PASK: variants seen among roughly 807,000 people sequenced by gnomAD.
The protein encoded by PASK is PAS domain containing serine/threonine kinase.
Under a neutral mutation model 121.0 loss-of-function variants are expected in PASK, and 110 were observed. That is an observed-to-expected ratio of 0.91 (90% CI 0.78 to 1.06). The LOEUF (loss-of-function observed/expected upper bound fraction) is 1.06. Ranked by LOEUF, PASK falls within the 50% of genes least tolerant of loss-of-function variation. The probability of loss-of-function intolerance (pLI) is 0.00; values close to 1 mark genes in which losing one functional copy is unlikely to be tolerated. For missense variants in PASK, 1,643 were observed against 1,702.3 expected (o/e 0.97, Z 0.61); for synonymous variants, 686 against 717.8 (o/e 0.96, Z 0.71).
At chr2:241,113,990 G>A in intron 14 of PASK, 2 of 979,306 alleles carry the variant, frequency 2.0e-6, no homozygotes, top group Non-Finnish European at 2.4e-6. Flanking sequence ...GATTCTTTTG[G>A]CAAAAATTTT....
chr2:241,139,748 A>G (rs1346011756), intron 4 of PASK, 137 bp downstream of exon 4: 3 of 846,010 alleles, frequency 3.5e-6, no homozygotes, highest in Non-Finnish European at 5.9e-6. Flanking sequence ...CTGGGATGAC[A>G]TTTTCAGCTG....
At chr2:241,132,377 G>A (rs921263573) in intron 9 of PASK, among the ~76,000 whole-genome samples, 8 of 151,550 alleles carry the variant, frequency 5.3e-5, no homozygotes, top group South Asian at 2.1e-4. Context: ...GTAACCGGGC[G>A]TGGTGGCGGG....
chr2:241,119,187 T>C (rs2065496147), intron 12 of PASK, among the ~76,000 whole-genome samples: 3 of 152,250 alleles, frequency 2.0e-5, no homozygotes, highest in Admixed American at 2.0e-4. Flanking sequence ...ACACATTGTA[T>C]CTCTGTAGTT....
rs928859228 is a variant in PASK at position 241,119,330 on chromosome 2, G to A, written c.3072+3402C>T. On this transcript the variant is annotated intron_variant, in intron 12 of 17. Coordinates refer to ENST00000234040, the MANE Select transcript of PASK (RefSeq NM_015148.4). Reference sequence around the variant, plus strand: ...GCCCTGTGCACGCCACCCCACTTCCGCCCTACCCCTGGGACGTTGGCCTTG... The same window carrying A: ...GCCCTGTGCACGCCACCCCACTTCCACCCTACCCCTGGGACGTTGGCCTTG... Among the ~76,000 whole-genome samples, 4 of 152,162 alleles carry A rather than the reference G, an allele frequency of 2.6e-5. No homozygotes were observed. In the South Asian group the frequency reaches 8.3e-4, roughly 32 times the overall value.
At chr2:241,133,864 C>T (rs948782411) in intron 8 of PASK, 1 of 152,190 alleles carries the variant, frequency 6.6e-6, no homozygotes, top group Non-Finnish European at 1.5e-5. Context: ...TCCCTGTAAT[C>T]CCAGCTACTC....
Position 241,115,329 on chromosome 2 carries a change from T to A in PASK, c.3157A>T (p.Ile1053Phe). The change falls in exon 13 of 18, where the codon ATC (isoleucine) becomes TTC (phenylalanine). Residue 1053 changes from isoleucine to phenylalanine, a missense_variant. Around this residue, in one of 3 missense-constraint regions of PASK, gnomAD observed 453 missense variants for 511.2 expected, o/e 0.89. Coordinates refer to ENST00000234040, the MANE Select transcript of PASK (RefSeq NM_015148.4). ...TGCTCCACCCTGGATAGAATTGCGA[T>A]CTCTAAAGTAACTTTCCCAAGTTTG... ...DPKLGKVTLE[I>F]AILSRVEHAN... The A allele has an allele frequency of 1.2e-6, 2 of 1,613,944 alleles. No homozygotes were observed. The highest frequency in any genetic ancestry group is 1.3e-5 in the African/African-American group (1 of 74,980).
chr2:241,113,642 T>C, intron 14 of PASK: 2 of 830,040 alleles, frequency 2.4e-6, no homozygotes, highest in Non-Finnish European at 2.9e-6. Context: ...AACTTGAACA[T>C]GGAAAGTTTC....
At chr2:241,107,323 G>C in intron 17 of PASK, 30 bp downstream of exon 17, 1 of 1,603,788 alleles carries the variant, frequency 6.2e-7, no homozygotes, top group East Asian at 2.2e-5. Context: ...GTGAAGTCAT[G>C]TGGGGTGGAG....
rs376697379 is a variant in PASK, at chr2:241,112,191, G to A, written c.3533+49C>T. The A allele has an allele frequency of 5.2e-5, 75 of 1,429,814 alleles. No individual in the cohort carries two copies. The African/African-American group carries it at 9.7e-4, about 18-fold the overall frequency. 88.6% of individuals were successfully genotyped at this position (1,429,814 alleles called of 1,614,324 possible). On this transcript the variant is annotated intron_variant, in intron 15 of 17. Transcript: ENST00000234040. The surrounding 1 kb of genome is among the most constrained non-coding windows in gnomAD (Gnocchi z 5.2). ...CACCCAAAATCAAGCCACCCTCAGG[G>A]TCCTGACAGAGGACACGAGGACGGG...
chr2:241,125,849 G>C (rs755048150), intron 10 of PASK, among the ~76,000 whole-genome samples: 6 of 152,080 alleles, frequency 3.9e-5, no homozygotes, highest in African/African-American at 7.2e-5. Context: ...TGGAGAGACA[G>C]ACTCTAGCGT....
At chr2:241,120,263 C>T (rs1431062285) in intron 12 of PASK, among the ~76,000 whole-genome samples, 4 of 152,172 alleles carry the variant, frequency 2.6e-5, no homozygotes, top group Admixed American at 2.0e-4. Context: ...GAGGCTAAGG[C>T]GGGTAGATAA....
Position 241,108,560 on chromosome 2 carries a change from A to C in PASK, c.3534-260T>G. ...ATCAGGAACTTCCTTGTGGACACCAACCACAAGACGTGTCTACCAGAGGGG... is the reference window on the plus strand; with the variant it reads ...ATCAGGAACTTCCTTGTGGACACCACCCACAAGACGTGTCTACCAGAGGGG... On this transcript the variant is annotated intron_variant, in intron 15 of 17. Coordinates refer to ENST00000234040, the MANE Select transcript of PASK (RefSeq NM_015148.4). The surrounding 1 kb of genome is among the most constrained non-coding windows in gnomAD (Gnocchi z 5.2). The C allele has an allele frequency of 4.0e-5, 21 of 521,292 alleles. No individual in the cohort carries two copies. The highest frequency in any genetic ancestry group is 5.3e-5 in the Non-Finnish European group (15 of 284,910). The allele number at this position is 521,292 out of a possible 1,614,324, so 32.3% of individuals were successfully genotyped here.
intron 12 of PASK, 43 bp downstream of exon 12, chr2:241,122,689 T>C: frequency 6.3e-7 from 1 of 1,583,066 alleles, no homozygotes; most frequent in Non-Finnish European, 8.7e-7. Flanking sequence ...GAGAGCCATG[T>C]GAAGTGGTGC....
upstream of PASK, chr2:241,149,717 C>T (rs781690179): frequency 1.3e-6 from 2 of 1,549,850 alleles, no homozygotes; most frequent in Non-Finnish European, 1.7e-6. Flanking sequence ...GGGTGAGTAG[C>T]GCAGAGCTCG....
At chr2:241,125,816 C>G (rs2065831698) in intron 10 of PASK, among the ~76,000 whole-genome samples, 1 of 152,082 alleles carries the variant, frequency 6.6e-6, no homozygotes, top group South Asian at 2.1e-4. Context: ...TGTGTGACCA[C>G]TGAGGTGGGG....
At chr2:241,123,783 A>G (rs577376046) in intron 11 of PASK, among the ~76,000 whole-genome samples, 166 bp downstream of exon 11, 1 of 150,824 alleles carries the variant, frequency 6.6e-6, no homozygotes, top group Non-Finnish European at 1.5e-5. Context: ...GCACCATTGC[A>G]CTCCAGCCTG....
chr2:241,149,026 G>A (rs1346272220), intron 1 of PASK, among the ~76,000 whole-genome samples: 1 of 152,134 alleles, frequency 6.6e-6, no homozygotes, highest in Non-Finnish European at 1.5e-5. Flanking sequence ...GCCCAGTGCA[G>A]GAGGCTGGCG....
chr2:241,141,100 C>T (rs1395655586), intron 2 of PASK, among the ~76,000 whole-genome samples: 5 of 152,106 alleles, frequency 3.3e-5, no homozygotes, highest in African/African-American at 4.8e-5. Context: ...GACAACACAG[C>T]GAGACCCTGT....
chr2:241,110,822 C>G (rs912933290), intron 15 of PASK, among the ~76,000 whole-genome samples: 5 of 152,224 alleles, frequency 3.3e-5, no homozygotes, highest in African/African-American at 1.2e-4. Flanking sequence ...CTAGGGCAAC[C>G]AAACTAGATC....
Sources: gnomAD v4.1 joint callset for allele counts (sites outside exome capture counted in the v4.1 genomes callset) on GRCh38, gnomAD v4.1.1 for gene constraint, gnomAD v4.1.1 regional missense constraint, Gnocchi (gnomAD v3.1) non-coding constraint, MANE v1.5 for transcripts, NCBI Gene and HGNC (gene_info 2026-07-23, HGNC 2026-07-21) for gene names.